The following ANKUB1 variants were observed in gnomAD, a reference collection of about 807,000 sequenced individuals.
The protein encoded by ANKUB1 is protein ANKUB1.
In ANKUB1, 42 loss-of-function variants were observed where a neutral mutation model predicts 49.3. The observed-to-expected ratio is 0.85, with a 90% CI of 0.67 to 1.10. The LOEUF (loss-of-function observed/expected upper bound fraction) is 1.10, where lower values mean the gene tolerates loss of function less well. Among genes scored for constraint, ANKUB1 ranks in the 50% least tolerant of loss-of-function variants. ANKUB1 has a pLI of 0.00. For synonymous variants in ANKUB1, 222 were observed against 231.0 expected (o/e 0.96, Z 0.35); for missense variants, 613 against 642.0 (o/e 0.95, Z 0.49).
intron 5 of ANKUB1, chr3:149,763,906 G>C (rs1307237622): frequency 4.4e-6 from 2 of 456,074 alleles, no homozygotes; most frequent in Non-Finnish European, 8.8e-6. Flanking sequence ...GAATCTAAAG[G>C]TAGGAGTTCC....
chr3:149,774,801 C>T (rs1717520039), intron 3 of ANKUB1, among the ~76,000 whole-genome samples: 1 of 152,158 alleles, frequency 6.6e-6, no homozygotes, highest in Non-Finnish European at 1.5e-5. Flanking sequence ...TTAGATTTTC[C>T]TTTCACCCCT....
chr3:149,788,085 A>G (rs2108281658), intron 2 of ANKUB1, among the ~76,000 whole-genome samples: 1 of 152,320 alleles, frequency 6.6e-6, no homozygotes, highest in East Asian at 1.9e-4. Flanking sequence ...TAACTTTCAC[A>G]AAGTAACATG....
chr3:149,791,337 A>T (rs1718348606), intron 1 of ANKUB1, among the ~76,000 whole-genome samples: 1 of 152,234 alleles, frequency 6.6e-6, no homozygotes, highest in African/African-American at 2.4e-5. Context: ...GAGCTGCTAG[A>T]ACTTGTTAGT....
intron 5 of ANKUB1, among the ~76,000 whole-genome samples, chr3:149,762,708 G>T (rs191476257): frequency 1.3e-5 from 2 of 152,246 alleles, no homozygotes; most frequent in Admixed American, 1.3e-4. Context: ...TCATGAAAAA[G>T]AACTTCTATG....
At chr3:149,790,173 T>A (rs750320329) in intron 2 of ANKUB1, among the ~76,000 whole-genome samples, 6 of 152,152 alleles carry the variant, frequency 3.9e-5, no homozygotes, top group Non-Finnish European at 8.8e-5. Flanking sequence ...CCATAAAGGA[T>A]CTTAGACTCA....
chr3:149,761,452 G>A lies in ANKUB1; in HGVS notation c.*32C>T. 1 of 1,549,988 alleles carries A rather than the reference G, an allele frequency of 6.5e-7. No homozygotes were observed. Among genetic ancestry groups the A allele is most frequent in the Non-Finnish European group, 8.7e-7 (1 of 1,145,634 alleles). ...AGAACTGGACATTCTGTTTGATCAG[G>A]TCTTTGTCCAAACTGAAGTTGTCAT... On this transcript the variant is annotated 3_prime_UTR_variant, in exon 6 of 6. Coordinates refer to ENST00000446160, the MANE Select transcript of ANKUB1 (RefSeq NM_001144960.3).
intron 2 of ANKUB1, among the ~76,000 whole-genome samples, chr3:149,787,342 A>G (rs945874182): frequency 2.0e-5 from 3 of 152,168 alleles, no homozygotes; most frequent in African/African-American, 7.2e-5. Context: ...GCAATTGTGA[A>G]TGGGAATTCA....
intron 3 of ANKUB1, chr3:149,779,956 G>T: frequency 2.6e-6 from 1 of 388,038 alleles, no homozygotes; most frequent in East Asian, 4.6e-5. Context: ...TTTGGAAATG[G>T]TTTTGATTGT....
At chr3:149,768,904 C>T (rs760701031) in intron 4 of ANKUB1, among the ~76,000 whole-genome samples, 53 of 151,994 alleles carry the variant, frequency 3.5e-4, no homozygotes, top group African/African-American at 1.0e-3. Context: ...AAAAAGTGTC[C>T]GCCTCATCAA....
rs1384541177 is a variant in ANKUB1 at position 149,790,904 on chromosome 3, G to C, written c.111C>G (p.Leu37=). 6.4e-7 allele frequency: 1 copy of C among 1,551,936 alleles called. No homozygotes were observed. The highest frequency in any genetic ancestry group is 1.4e-5 in the African/African-American group (1 of 73,152). The change falls in exon 2 of 6, where the codon CTC becomes CTG. Residue 37 remains leucine (L), a synonymous_variant. Coordinates refer to ENST00000446160, the MANE Select transcript of ANKUB1 (RefSeq NM_001144960.3). ...ACCGCCTGCCTTGTTTGTCTTCAGA[G>C]AGAGGAATGTGGAAATAATCCTTAA... ...LMIKDYFHIP[L]SEDKQGRRYL... is the part of the protein sequence containing the mutation.
intron 2 of ANKUB1, chr3:149,783,228 C>G (rs1717945475): frequency 6.6e-6 from 1 of 152,106 alleles, no homozygotes. Context: ...CCACCTTATC[C>G]ACATAAGAGA....
At position 149,767,414 on chromosome 3, in the gene ANKUB1, G is replaced by C; in HGVS notation, c.1248C>G (p.Phe416Leu). The part of the protein sequence containing the change: ...KFHPLVNASS[F>L]SELQKHQQQN... ...GTTGTTGATGTTTTTGTAATTCAGA[G>C]AATGAACTTGCATTCACCAGTGGAT... The change falls in exon 5 of 6, where the codon TTC becomes TTG. Residue 416 changes from phenylalanine to leucine, a missense_variant. Coordinates refer to ENST00000446160, the MANE Select transcript of ANKUB1 (RefSeq NM_001144960.3). The C allele has an allele frequency of 6.4e-7, 1 of 1,551,728 alleles. No homozygotes were observed. Among genetic ancestry groups the C allele is most frequent in the Non-Finnish European group, 8.7e-7 (1 of 1,146,996 alleles).
intron 2 of ANKUB1, among the ~76,000 whole-genome samples, chr3:149,790,189 T>C (rs1718298993): frequency 6.6e-6 from 1 of 152,122 alleles, no homozygotes; most frequent in Admixed American, 6.6e-5. Context: ...ACTCAGAAAA[T>C]CTCCAGGCAC....
At chr3:149,780,147 A>T in intron 3 of ANKUB1, 92 bp downstream of exon 3, 1 of 996,628 alleles carries the variant, frequency 1.0e-6, no homozygotes, top group Non-Finnish European at 1.5e-6. Flanking sequence ...ATGAAAATCT[A>T]GATTTCTATT....
At chr3:149,762,520 G>T (rs1716824978) in intron 5 of ANKUB1, among the ~76,000 whole-genome samples, 7 of 152,024 alleles carry the variant, frequency 4.6e-5, no homozygotes. Flanking sequence ...CTTGTATTTG[G>T]CCTTTTCTCT....
intron 2 of ANKUB1, among the ~76,000 whole-genome samples, chr3:149,782,156 T>C (rs908955024): frequency 2.0e-5 from 3 of 152,136 alleles, no homozygotes; most frequent in Non-Finnish European, 4.4e-5. Context: ...CTAATTTATA[T>C]TTAGAATTAA....
chr3:149,781,237 G>A (rs1171845770), intron 2 of ANKUB1, among the ~76,000 whole-genome samples: 1 of 152,108 alleles, frequency 6.6e-6, no homozygotes, highest in Non-Finnish European at 1.5e-5. Context: ...GATATCCAAA[G>A]CAGAGTTAAG....
intron 2 of ANKUB1, among the ~76,000 whole-genome samples, chr3:149,789,080 CT>C (rs1246721467): frequency 2.0e-5 from 3 of 151,988 alleles, no homozygotes; most frequent in Non-Finnish European, 4.4e-5. Flanking sequence ...GGCCAGGATA[CT>C]TTTTACTGTG....
chr3:149,781,455 G>C (rs1439598284), intron 2 of ANKUB1, among the ~76,000 whole-genome samples: 1 of 152,214 alleles, frequency 6.6e-6, no homozygotes, highest in Non-Finnish European at 1.5e-5. Context: ...GCAACGGCCT[G>C]TTGTTGGGTT....
Sources: gnomAD v4.1 joint callset for allele counts (sites outside exome capture counted in the v4.1 genomes callset) on GRCh38, gnomAD v4.1.1 for gene constraint, MANE v1.5 for transcripts, NCBI Gene and HGNC (gene_info 2026-07-23, HGNC 2026-07-21) for gene names.